PRDM13: variants seen among roughly 807,000 people sequenced by gnomAD.
The protein encoded by PRDM13 is PR/SET domain 13.
A neutral mutation model predicts 36.4 loss-of-function variants in PRDM13; 15 were observed. The ratio of observed to expected loss-of-function variants is 0.41; its 90% CI spans 0.28 to 0.64. The LOEUF is 0.64. PRDM13 is among the 30% of genes least tolerant of loss of function. The probability of loss-of-function intolerance (pLI) is 0.29; values close to 1 mark genes in which losing one functional copy is unlikely to be tolerated. For synonymous variants in PRDM13, 531 were observed against 467.7 expected (o/e 1.14, Z -1.75); for missense variants, 1,044 against 1,013.5 (o/e 1.03, Z -0.41).
rs1439003760 is a variant in PRDM13 at position 99,613,817 on chromosome 6, C to G, written c.1182C>G (p.Val394=). Residue 394 remains valine, a synonymous_variant, in exon 4 of 4, where the codon GTC becomes GTG. Transcript: ENST00000369215. This position sits in a 1 kb window ranked among gnomAD's most constrained non-coding sequence, Gnocchi z 6.1. ...TGCGCGGCTTCCCTCTGCTCTCCGTCCCCCCGGAAGAGGCGTCCGCCTTCA... is the reference window on the plus strand; with the variant it reads ...TGCGCGGCTTCCCTCTGCTCTCCGTGCCCCCGGAAGAGGCGTCCGCCTTCA... ...GALRGFPLLS[V]PPEEASAFKH... is the part of the protein sequence containing the mutation. 1.3e-6 allele frequency: 2 copies of G among 1,510,290 alleles called. No individual in the cohort carries two copies. The highest frequency in any genetic ancestry group is 1.2e-5 in the South Asian group (1 of 81,392). The allele number at this position is 1,510,290 out of a possible 1,614,324, so 93.6% of individuals were successfully genotyped here.
intron 1 of PRDM13, 81 bp downstream of exon 1, chr6:99,607,259 A>T (rs1015913805): frequency 1.3e-6 from 2 of 1,562,900 alleles, no homozygotes; most frequent in African/African-American, 2.7e-5. Flanking sequence ...GAGAAAGTGG[A>T]GGAAGGGAGT....
Position 99,615,059 on chromosome 6 carries a change from C to G in PRDM13, c.*300C>G, listed in dbSNP as rs1005319941. The G allele has an allele frequency of 3.6e-5, 16 of 443,244 alleles. No homozygotes were observed. The highest frequency in any genetic ancestry group is 3.2e-4 in the African/African-American group (16 of 49,612). The allele number at this position is 443,244 out of a possible 1,614,324, so 27.5% of individuals were successfully genotyped here. A position where few individuals can be genotyped will look rare whatever the true frequency, so the allele number is the denominator to read the frequency against. ...CCCTGAACCGCCCAGGCGGTCTGCT[C>G]TTGGTGTTCAGAATCACATCAATGC... On this transcript the variant is annotated 3_prime_UTR_variant, in exon 4 of 4. Transcript: ENST00000369215.
At chr6:99,607,876 C>T (rs1160012901) in intron 1 of PRDM13, among the ~76,000 whole-genome samples, 1 of 152,230 alleles carries the variant, frequency 6.6e-6, no homozygotes, top group Admixed American at 6.5e-5. Flanking sequence ...AGGGCCAAAC[C>T]ACTAGCTTTG....
chr6:99,611,514 C>G (rs577898927), intron 3 of PRDM13, among the ~76,000 whole-genome samples: 2 of 151,982 alleles, frequency 1.3e-5, no homozygotes, highest in Non-Finnish European at 2.9e-5. Flanking sequence ...CTTCTATAAA[C>G]GATTAGGGTA....
chr6:99,609,287 C>G lies in PRDM13; in HGVS notation c.377C>G (p.Thr126Ser), dbSNP rs1769998485. 2 of 1,614,108 alleles carry G rather than the reference C, an allele frequency of 1.2e-6. No individual in the cohort carries two copies. The highest frequency in any genetic ancestry group is 4.5e-5 in the East Asian group (2 of 44,862). ...AQWFDIPTTA[T>S]PTHDEKGEER... ...TGGTTCGACATCCCCACCACAGCGA[C>G]TCCGACTCACGACGAGAAAGGTACC... Residue 126 changes from threonine to serine, a missense_variant, in exon 3 of 4, where the codon ACT (threonine) becomes AGT (serine). By Grantham distance (58) the Thr-to-Ser change is moderately conservative. Coordinates refer to ENST00000369215, the MANE Select transcript of PRDM13 (RefSeq NM_021620.4).
chr6:99,611,804 T>C (rs1299245209), intron 3 of PRDM13, among the ~76,000 whole-genome samples: 3 of 152,224 alleles, frequency 2.0e-5, no homozygotes, highest in African/African-American at 7.2e-5. Context: ...CTGATGTATA[T>C]TTTGGATATT....
intron 1 of PRDM13, among the ~76,000 whole-genome samples, chr6:99,607,640 G>GAA (rs201960059): frequency 5.3e-5 from 8 of 149,744 alleles, no homozygotes; most frequent in South Asian, 4.2e-4. Context: ...TTTTTTTCCT[G>GAA]AAAAAAAAAA....
chr6:99,612,238 T>C (rs1027346846), intron 3 of PRDM13, among the ~76,000 whole-genome samples: 1 of 152,210 alleles, frequency 6.6e-6, no homozygotes, highest in African/African-American at 2.4e-5. Context: ...AGTTAATTAA[T>C]TACCAAGTGG....
intron 3 of PRDM13, among the ~76,000 whole-genome samples, chr6:99,611,681 G>A (rs1451304307): frequency 6.6e-6 from 1 of 152,136 alleles, no homozygotes; most frequent in African/African-American, 2.4e-5. Context: ...ATACATAAAG[G>A]GAAGAAGATC....
At chr6:99,611,371 T>C (rs1161562099) in intron 3 of PRDM13, among the ~76,000 whole-genome samples, 2 of 151,988 alleles carry the variant, frequency 1.3e-5, no homozygotes, top group African/African-American at 4.8e-5. Flanking sequence ...GGCTCTGAAG[T>C]TAGAAGGAAG....
At chr6:99,607,628 AT>A (rs1187835935) in intron 1 of PRDM13, among the ~76,000 whole-genome samples, 5 of 151,338 alleles carry the variant, frequency 3.3e-5, no homozygotes, top group African/African-American at 1.2e-4. Context: ...CCTTAAAGTA[AT>A]TTTTTTTCCT....
rs1770075454 is a variant in PRDM13 at position 99,613,734 on chromosome 6, C to G, written c.1099C>G (p.Leu367Val). ...GCACCACCACCACCATCCCAAGTGC[C>G]TGCTCGCTGGGGACCCGCCGCCGCC... Reference protein sequence around the residue: ...HAHHHHHPKCLLAGDPPPPPP... With the variant: ...HAHHHHHPKCVLAGDPPPPPP... Residue 367 changes from leucine to valine, a missense_variant, in exon 4 of 4, where the codon CTG (leucine) becomes GTG (valine). Leu to Val is a conservative substitution (Grantham distance 32). Around this residue, in one of 3 missense-constraint regions of PRDM13, gnomAD observed 921 missense variants for 865.2 expected, o/e 1.06. Coordinates refer to ENST00000369215, the MANE Select transcript of PRDM13 (RefSeq NM_021620.4). This position sits in a 1 kb window ranked among gnomAD's most constrained non-coding sequence, Gnocchi z 6.1. 6.7e-7 allele frequency: 1 copy of G among 1,488,402 alleles called. No homozygotes were observed. The highest frequency in any genetic ancestry group is 8.9e-7 in the Non-Finnish European group (1 of 1,127,410). 92.2% of individuals were successfully genotyped at this position (1,488,402 alleles called of 1,614,324 possible).
chr6:99,613,837 C>T lies in PRDM13; in HGVS notation c.1202C>T (p.Ala401Val). 6.6e-7 allele frequency: 1 copy of T among 1,511,438 alleles called. No individual in the cohort carries two copies. The highest frequency in any genetic ancestry group is 2.7e-5 in the East Asian group (1 of 37,332). The allele number at this position is 1,511,438 out of a possible 1,614,324, so 93.6% of individuals were successfully genotyped here. The change falls in exon 4 of 4, where the codon GCC (alanine) becomes GTC (valine). Residue 401 changes from alanine (A) to valine (V), a missense_variant. Transcript: ENST00000369215. The surrounding 1 kb of genome is among the most constrained non-coding windows in gnomAD (Gnocchi z 6.1). Reference sequence around the variant, plus strand: ...TCCGTCCCCCCGGAAGAGGCGTCCGCCTTCAAGCACGTGGAGCGCGCCCCG... The same window carrying T: ...TCCGTCCCCCCGGAAGAGGCGTCCGTCTTCAAGCACGTGGAGCGCGCCCCG... The part of the protein sequence containing the change: ...LLSVPPEEAS[A>V]FKHVERAPPA...
chr6:99,613,190 T>C lies in PRDM13; in HGVS notation c.555T>C (p.Ala185=). 6.2e-7 allele frequency: 1 copy of C among 1,612,524 alleles called. No individual in the cohort carries two copies. The change falls in exon 4 of 4, where the codon GCT becomes GCC. Residue 185 remains alanine, a synonymous_variant. Transcript: ENST00000369215. The surrounding 1 kb of genome is among the most constrained non-coding windows in gnomAD (Gnocchi z 6.1). ...CTCGCCAAGGCGCCGTCCCAGCGGCTGATGGCCTCGGTCTCTCCCCAAAAC... is the reference window on the plus strand; with the variant it reads ...CTCGCCAAGGCGCCGTCCCAGCGGCCGATGGCCTCGGTCTCTCCCCAAAAC... ...HAARQGAVPA[A]DGLGLSPKPP...
At position 99,614,232 on chromosome 6, in the gene PRDM13, G is replaced by A. The variant is rs1188046549; in HGVS notation, c.1597G>A (p.Ala533Thr). The change falls in exon 4 of 4, where the codon GCT (alanine) becomes ACT (threonine). Residue 533 changes from alanine (A) to threonine (T), a missense_variant. This residue lies in a region of PRDM13 where 921 missense variants were observed against 865.2 expected (regional missense o/e 1.06). Transcript: ENST00000369215. The part of the protein sequence containing the change: ...AMHNQQLSEM[A>T]AGKGRGRLDS... ...GCACAATCAGCAGCTGTCCGAGATG[G>A]CTGCCGGGAAGGGTCGCGGACGCCT... 1.1e-5 allele frequency: 18 copies of A among 1,609,176 alleles called. No homozygotes were observed. Among genetic ancestry groups the A allele is most frequent in the Non-Finnish European group, 1.5e-5 (18 of 1,178,938 alleles).
chr6:99,614,620 C>G lies in PRDM13; in HGVS notation c.1985C>G (p.Ala662Gly). The G allele has an allele frequency of 6.2e-7, 1 of 1,612,404 alleles. No homozygotes were observed. Among genetic ancestry groups the G allele is most frequent in the African/African-American group, 1.3e-5 (1 of 75,048 alleles). ...RHPGQSLLAK[A>G]GDGPGAEPGY... ...CCTGGCCAGAGTCTGCTCGCCAAAGCGGGCGACGGCCCGGGTGCCGAGCCC... is the reference window on the plus strand; with the variant it reads ...CCTGGCCAGAGTCTGCTCGCCAAAGGGGGCGACGGCCCGGGTGCCGAGCCC... Residue 662 changes from alanine to glycine, a missense_variant, in exon 4 of 4, where the codon GCG becomes GGG. This residue lies in a region of PRDM13 where 115 missense variants were observed against 122.1 expected (regional missense o/e 0.94). Coordinates refer to ENST00000369215, the MANE Select transcript of PRDM13 (RefSeq NM_021620.4).
rs200017907 is a variant in PRDM13 at position 99,614,761 on chromosome 6, G to T, written c.*2G>T. The T allele has an allele frequency of 3.8e-5, 59 of 1,561,682 alleles. No homozygotes were observed. The highest frequency in any genetic ancestry group is 4.9e-5 in the Non-Finnish European group (57 of 1,155,344). On this transcript the variant is annotated 3_prime_UTR_variant, in exon 4 of 4. Coordinates refer to ENST00000369215, the MANE Select transcript of PRDM13 (RefSeq NM_021620.4). ...GGCGGCGGGGAGCGCGACTTGTAACGAGTCTTCCCGGGAAGGGGCGGGGTG... is the reference window on the plus strand; with the variant it reads ...GGCGGCGGGGAGCGCGACTTGTAACTAGTCTTCCCGGGAAGGGGCGGGGTG...
chr6:99,612,136 G>T (rs1470842227), intron 3 of PRDM13, among the ~76,000 whole-genome samples: 1 of 152,008 alleles, frequency 6.6e-6, no homozygotes, highest in African/African-American at 2.4e-5. Flanking sequence ...TTTATTTATC[G>T]ATCTATATCA....
At position 99,613,428 on chromosome 6, in the gene PRDM13, GC is replaced by G; in HGVS notation, c.796del (p.Arg266GlufsTer35). The G allele has an allele frequency of 6.4e-7, 1 of 1,550,808 alleles. No homozygotes were observed. ...LDRALDMSGAARGQGHFLGIV... is the reference protein window; with the variant it reads ...LDRALDMSGAXRGQGHFLGIV... ...CCGTGCCCTGGACATGAGCGGAGCC[GC>G]CCGAGGACAAGGGCACTTCCTCGGC... On this transcript the variant is annotated frameshift_variant, in exon 4 of 4. Transcript: ENST00000369215. LOFTEE classifies it low-confidence loss of function (END_TRUNC). The surrounding 1 kb of genome is among the most constrained non-coding windows in gnomAD (Gnocchi z 6.1).
Sources: allele counts gnomAD v4.1 joint callset (sites outside exome capture counted in the v4.1 genomes callset), GRCh38; gene constraint gnomAD v4.1.1; regional missense constraint gnomAD v4.1.1; non-coding constraint Gnocchi (gnomAD v3.1); transcripts MANE v1.5; gene names NCBI Gene and HGNC (gene_info 2026-07-23, HGNC 2026-07-21).